Variants in TNR observed in about 807,000 individuals in gnomAD.
The protein encoded by TNR is tenascin R, also known as tenascin-R.
Under a neutral mutation model 150.4 loss-of-function variants are expected in TNR, and 45 were observed. The observed-to-expected ratio is 0.30, with a 90% CI of 0.24 to 0.38. TNR has a LOEUF of 0.38. TNR is among the 10% of genes least tolerant of loss of function. The pLI, the probability that TNR is intolerant of heterozygous loss-of-function variation, is 1.00. For missense variants in TNR, 1,544 were observed against 1,759.1 expected (o/e 0.88, Z 2.19); for synonymous variants, 687 against 678.4 (o/e 1.01, Z -0.20).
chr1:175,665,831 G>A (rs377055037), intron 1 of TNR, among the ~76,000 whole-genome samples: 1 of 152,144 alleles, frequency 6.6e-6, no homozygotes, highest in Non-Finnish European at 1.5e-5. Context: ...AACAGGAAAT[G>A]CCCTGTGATT....
chr1:175,477,154 C>G (rs1657580552), intron 2 of TNR, among the ~76,000 whole-genome samples: 1 of 152,048 alleles, frequency 6.6e-6, no homozygotes, highest in Non-Finnish European at 1.5e-5. Flanking sequence ...AAGCACCATA[C>G]AGATTTGAGG....
chr1:175,502,137 C>G (rs2102150350), intron 2 of TNR, among the ~76,000 whole-genome samples: 1 of 152,262 alleles, frequency 6.6e-6, no homozygotes, highest in East Asian at 1.9e-4. Flanking sequence ...ATGCCTAGGT[C>G]CCACCTCAGA....
At chr1:175,412,970 C>T (rs1423005477) in intron 2 of TNR, among the ~76,000 whole-genome samples, 1 of 152,204 alleles carries the variant, frequency 6.6e-6, no homozygotes, top group Non-Finnish European at 1.5e-5. Flanking sequence ...CTGCCACCTC[C>T]CATTCTTCTG....
Position 175,731,803 on chromosome 1 carries a change from G to T in TNR, c.-165+11423C>A, listed in dbSNP as rs149139982. ...ATGTGCCTCCCCACCAACTGTTTCC[G>T]CTCAGCATCTGATGCAAAAGCTAAA... is the stretch of plus-strand genomic sequence containing the variant. On this transcript the variant is annotated intron_variant, in intron 1 of 22. Transcript: ENST00000367674. Among the ~76,000 whole-genome samples, 260 of 152,210 alleles carry T rather than the reference G, an allele frequency of 1.7e-3. 1 individual carries two copies. The highest frequency in any genetic ancestry group is 3.5e-3 in the African/African-American group (147 of 41,520).
At chr1:175,635,380 T>C (rs149602437) in intron 1 of TNR, among the ~76,000 whole-genome samples, 188 of 152,362 alleles carry the variant, frequency 1.2e-3, no homozygotes, top group Non-Finnish European at 1.3e-4. Context: ...AATTCTCCAG[T>C]TGGGATTTGT....
chr1:175,723,738 C>T (rs987659214), intron 1 of TNR, among the ~76,000 whole-genome samples: 3 of 152,092 alleles, frequency 2.0e-5, no homozygotes, highest in Non-Finnish European at 4.4e-5. Flanking sequence ...ATTAGCTGAG[C>T]GTGGTGGCTC....
chr1:175,488,475 A>T (rs954087690), intron 2 of TNR, among the ~76,000 whole-genome samples: 3 of 152,198 alleles, frequency 2.0e-5, no homozygotes, highest in Non-Finnish European at 1.5e-5. Flanking sequence ...AGGGGAATAG[A>T]TTCAATACAA....
chr1:175,538,586 G>A (rs774775880), intron 1 of TNR, among the ~76,000 whole-genome samples: 2 of 152,222 alleles, frequency 1.3e-5, no homozygotes, highest in Admixed American at 1.3e-4. Context: ...ATGTTTTAGA[G>A]TGCATGATTA....
At chr1:175,506,534 A>C (rs1188016115) in intron 2 of TNR, among the ~76,000 whole-genome samples, 1 of 152,200 alleles carries the variant, frequency 6.6e-6, no homozygotes, top group Non-Finnish European at 1.5e-5. Flanking sequence ...CTATAAGAAG[A>C]GGTGACTGGA....
At chr1:175,585,061 T>G (rs1047557424) in intron 1 of TNR, among the ~76,000 whole-genome samples, 3 of 152,228 alleles carry the variant, frequency 2.0e-5, no homozygotes, top group Non-Finnish European at 1.5e-5. Context: ...AACATGAGTG[T>G]TGATGATGTG....
At chr1:175,631,388 G>C (rs904953766) in intron 1 of TNR, among the ~76,000 whole-genome samples, 2 of 152,214 alleles carry the variant, frequency 1.3e-5, no homozygotes, top group African/African-American at 4.8e-5. Context: ...TAGCAAGCTT[G>C]TTCAATCCTT....
At chr1:175,385,506 G>A (rs1413913263) in intron 8 of TNR, among the ~76,000 whole-genome samples, 1 of 152,202 alleles carries the variant, frequency 6.6e-6, no homozygotes, top group African/African-American at 2.4e-5. Flanking sequence ...AAACGGCAAG[G>A]TGAGTCACAG....
intron 2 of TNR, among the ~76,000 whole-genome samples, chr1:175,505,488 A>G (rs1014071794): frequency 3.9e-5 from 6 of 152,132 alleles, no homozygotes; most frequent in African/African-American, 9.7e-5. Flanking sequence ...CACTACACCT[A>G]TGGAGGAGGC....
intron 2 of TNR, among the ~76,000 whole-genome samples, chr1:175,494,442 G>A (rs1008353132): frequency 1.3e-5 from 2 of 152,218 alleles, no homozygotes; most frequent in African/African-American, 2.4e-5. Context: ...GGGAGCAAAA[G>A]CATTGATTTT....
chr1:175,534,553 C>A (rs546994491), intron 1 of TNR, among the ~76,000 whole-genome samples: 1 of 152,336 alleles, frequency 6.6e-6, no homozygotes, highest in African/African-American at 2.4e-5. Flanking sequence ...CGGTATCTGG[C>A]AGGTTCTAAG....
Position 175,318,473 on chromosome 1 carries a change from T to C in TNR, c.*4884A>G, listed in dbSNP as rs1406004923. 3 of 152,238 alleles carry C rather than the reference T, an allele frequency of 2.0e-5. No homozygotes were observed. The highest frequency in any genetic ancestry group is 4.4e-5 in the Non-Finnish European group (3 of 68,044). 9.4% of individuals were successfully genotyped at this position (152,238 alleles called of 1,614,324 possible). ...GACCTGAATCTACACCAATACATCA[T>C]CTTAAAGCATATAGGAGTTACTTTC... On this transcript the variant is annotated 3_prime_UTR_variant, in exon 23 of 23. Transcript: ENST00000367674.
At chr1:175,665,089 G>A (rs1273158269) in intron 1 of TNR, among the ~76,000 whole-genome samples, 1 of 152,196 alleles carries the variant, frequency 6.6e-6, no homozygotes. Context: ...TGGTCTCAAC[G>A]TTAGCCAGTT....
In TNR at chr1:175,671,362, C is replaced by A. The variant is rs76649964; in HGVS notation, c.-165+71864G>T. 1.8e-4 allele frequency among the ~76,000 whole-genome samples: 28 copies of A among 152,320 alleles called. No individual in the cohort carries two copies. In the East Asian group the frequency reaches 3.7e-3, roughly 20 times the overall value. On this transcript the variant is annotated intron_variant, in intron 1 of 22. Transcript: ENST00000367674. ...CTGTGCAGCCAGGCAGACTTGCTGCCTTTTGGGCAAGCTGGCCATGCTGAG... is the reference window on the plus strand; with the variant it reads ...CTGTGCAGCCAGGCAGACTTGCTGCATTTTGGGCAAGCTGGCCATGCTGAG...
chr1:175,608,027 G>C (rs1663470465), intron 1 of TNR, among the ~76,000 whole-genome samples: 1 of 152,198 alleles, frequency 6.6e-6, no homozygotes, highest in African/African-American at 2.4e-5. Flanking sequence ...GCCTCACTAG[G>C]AAGAGGCAAG....
Sources: gnomAD v4.1 joint callset for allele counts (sites outside exome capture counted in the v4.1 genomes callset) on GRCh38, gnomAD v4.1.1 for gene constraint, MANE v1.5 for transcripts, NCBI Gene and HGNC (gene_info 2026-07-23, HGNC 2026-07-21) for gene names.